The following SERPINB8 variants were observed in gnomAD, a reference collection of about 807,000 sequenced individuals.
SERPINB8 encodes the protein serpin family B member 8, also known as serpin B8.
SERPINB8 carries 25 observed loss-of-function variants against 35.3 expected under a neutral mutation model. The observed-to-expected ratio is 0.71, with a 90% confidence interval of 0.52 to 0.99. The LOEUF is 0.99. Among genes scored for constraint, SERPINB8 ranks in the 50% least tolerant of loss-of-function variants. SERPINB8 has a pLI of 0.00. For missense variants in SERPINB8, 484 were observed against 446.5 expected (o/e 1.08, Z -0.76); for synonymous variants, 186 against 160.8 (o/e 1.16, Z -1.19).
chr18:63,997,568 G>A (rs908702753), intron 1 of SERPINB8, among the ~76,000 whole-genome samples: 2 of 152,202 alleles, frequency 1.3e-5, no homozygotes, highest in Admixed American at 6.5e-5. Context: ...AGGTGCAGCT[G>A]TCATACAACC....
intron 5 of SERPINB8, 48 bp from the exon 6 acceptor site, chr18:63,985,045 G>T (rs762495062): frequency 6.3e-7 from 1 of 1,595,554 alleles, no homozygotes; most frequent in Admixed American, 1.7e-5. Flanking sequence ...CCTATTTTTA[G>T]TAAATTATAC....
At chr18:63,989,942 C>CAAAAA (rs1161052778), downstream of SERPINB8, among the ~76,000 whole-genome samples, 2 of 27,874 alleles carry the variant, frequency 7.2e-5, no homozygotes, top group Non-Finnish European at 1.5e-4. Context: ...GACTCTGTCT[C>CAAAAA]AAAAAAAAAA....
At chr18:63,997,460 C>CT (rs2050855482) in intron 1 of SERPINB8, among the ~76,000 whole-genome samples, 1 of 152,230 alleles carries the variant, frequency 6.6e-6, no homozygotes, top group African/African-American at 2.4e-5. Flanking sequence ...ACTGCCTTCA[C>CT]TTGGCCAATG....
intron 7 of SERPINB8, among the ~76,000 whole-genome samples, chr18:64,011,184 C>T (rs2050924419): frequency 6.6e-6 from 1 of 151,734 alleles, no homozygotes; most frequent in South Asian, 2.1e-4. Context: ...CAGTGTTTTG[C>T]CAAATGTGGT....
chr18:63,985,380 T>A (rs1243873625), intron 6 of SERPINB8, 135 bp downstream of exon 6: 2 of 884,536 alleles, frequency 2.3e-6, no homozygotes, highest in Non-Finnish European at 3.4e-6. Context: ...CATCATTGTG[T>A]GTCTTTTGAT....
chr18:64,014,145 A>G (rs1483076085), intron 7 of SERPINB8, among the ~76,000 whole-genome samples: 18 of 152,164 alleles, frequency 1.2e-4, no homozygotes, highest in Admixed American at 1.2e-3. Flanking sequence ...GCAAGAGATG[A>G]GGGATATTAA....
rs189410778 is a variant in SERPINB8 at position 64,002,536 on chromosome 18, G to A, written c.71-2283G>A. The stretch of plus-strand genomic sequence containing the variant: ...CACCACCAGCTTCCCCTGGGTTTCG[G>A]CCTCCAGTTAATTTCAAGACACTTT... On this transcript the variant is annotated intron_variant, in intron 1 of 1. Transcript: ENST00000493661. Among the ~76,000 whole-genome samples the A allele has an allele frequency of 2.3e-3, 348 of 152,302 alleles. 2 individuals are homozygous for A. The highest frequency in any genetic ancestry group is 3.8e-3 in the Non-Finnish European group (261 of 68,024).
intron 7 of SERPINB8, among the ~76,000 whole-genome samples, chr18:64,016,823 A>G (rs78672070): frequency 0.015 from 2,210 of 152,234 alleles, 58 homozygotes; most frequent in African/African-American, 0.051. Context: ...CAAATCCCTC[A>G]TTTTCCATGA....
Position 63,987,036 on chromosome 18 carries a change from G to GT in SERPINB8, c.883_884insT (p.Ala295ValfsTer11). 6.2e-7 allele frequency: 1 copy of GT among 1,614,190 alleles called. No homozygotes were observed. Among genetic ancestry groups the GT allele is most frequent in the African/African-American group, 1.3e-5 (1 of 75,036 alleles). ...AGGAATGATCGATGCTTTTGACGAAGCCAAGGCAGACTTTTCTGGAATGTC... is the reference window on the plus strand; with the variant it reads ...AGGAATGATCGATGCTTTTGACGAAGTCCAAGGCAGACTTTTCTGGAATGTC... On this transcript the variant is annotated frameshift_variant, in exon 7 of 7. Coordinates refer to ENST00000397985, the MANE Select transcript of SERPINB8 (RefSeq NM_002640.4). LOFTEE classifies it high-confidence loss of function.
chr18:64,015,747 A>T (rs2050946891), intron 7 of SERPINB8, among the ~76,000 whole-genome samples: 1 of 152,224 alleles, frequency 6.6e-6, no homozygotes, highest in Non-Finnish European at 1.5e-5. Context: ...TGTCATTTCA[A>T]CATTTTCCAG....
At chr18:63,984,459 G>A (rs1006712737) in intron 5 of SERPINB8, among the ~76,000 whole-genome samples, 2 of 152,152 alleles carry the variant, frequency 1.3e-5, no homozygotes, top group African/African-American at 4.8e-5. Context: ...CAGATGTAAA[G>A]CCTAACTTTA....
intron 5 of SERPINB8, 112 bp from the exon 6 acceptor site, chr18:63,984,981 A>G (rs2050728183): frequency 1.0e-6 from 1 of 990,650 alleles, no homozygotes; most frequent in East Asian, 2.6e-5. Context: ...TATCAGCATA[A>G]ATGTGCAGAA....
At chr18:64,014,085 CA>C (rs2050938519) in intron 7 of SERPINB8, among the ~76,000 whole-genome samples, 1 of 151,736 alleles carries the variant, frequency 6.6e-6, no homozygotes, top group Non-Finnish European at 1.5e-5. Flanking sequence ...TAAAAGGAGG[CA>C]AAAATAGAAA....
chr18:63,978,549 C>G, intron 2 of SERPINB8, 73 bp downstream of exon 2: 1 of 1,560,118 alleles, frequency 6.4e-7, no homozygotes, highest in Non-Finnish European at 8.7e-7. Flanking sequence ...TCTTTCTGTA[C>G]TTTTGCTCTA....
At chr18:63,981,589 G>A (rs78216579) in intron 3 of SERPINB8, 132 bp from the exon 4 acceptor site, 136 of 663,222 alleles carry the variant, frequency 2.1e-4, no homozygotes, top group African/African-American at 2.0e-3. Context: ...TTAATTGCAC[G>A]CATGCACCTT....
At chr18:63,975,582 C>T (rs1250527216) in intron 1 of SERPINB8, among the ~76,000 whole-genome samples, 1 of 152,128 alleles carries the variant, frequency 6.6e-6, no homozygotes, top group East Asian at 1.9e-4. Context: ...TTTCTGAACC[C>T]TAACCATAAC....
At chr18:63,999,120 G>T (rs762287531) in intron 1 of SERPINB8, among the ~76,000 whole-genome samples, 16 of 152,168 alleles carry the variant, frequency 1.1e-4, no homozygotes, top group Non-Finnish European at 2.2e-4. Flanking sequence ...GGGGCAAGAA[G>T]TGGGATCTAA....
intron 3 of SERPINB8, among the ~76,000 whole-genome samples, chr18:63,981,328 A>G (rs1321436024): frequency 1.3e-5 from 2 of 152,262 alleles, no homozygotes; most frequent in East Asian, 1.9e-4. Flanking sequence ...AACCAAAACC[A>G]CAATACTGTA....
chr18:63,979,123 C>T (rs1365008061), intron 2 of SERPINB8, among the ~76,000 whole-genome samples: 3 of 152,162 alleles, frequency 2.0e-5, no homozygotes, highest in Non-Finnish European at 4.4e-5. Context: ...AGACAGTCTC[C>T]TAAAATGCAC....
Sources: gnomAD v4.1 joint callset for allele counts (sites outside exome capture counted in the v4.1 genomes callset) on GRCh38, gnomAD v4.1.1 for gene constraint, MANE v1.5 for transcripts, NCBI Gene and HGNC (gene_info 2026-07-23, HGNC 2026-07-21) for gene names.